RASAL2: variants seen among roughly 807,000 people sequenced by gnomAD.
RASAL2 encodes the protein ras GTPase-activating protein nGAP.
Under a neutral mutation model 128.9 loss-of-function variants are expected in RASAL2, and 58 were observed. That is an observed-to-expected ratio of 0.45 (90% confidence interval 0.36 to 0.56). The LOEUF (loss-of-function observed/expected upper bound fraction) is 0.56, where lower values mean the gene tolerates loss of function less well. RASAL2 is among the 20% of genes least tolerant of loss of function. RASAL2 has a pLI of 0.00. For synonymous variants in RASAL2, 561 were observed against 580.8 expected (o/e 0.97, Z 0.49); for missense variants, 1,360 against 1,601.6 (o/e 0.85, Z 2.57).
intron 5 of RASAL2, among the ~76,000 whole-genome samples, chr1:178,424,650 T>C (rs146839705): frequency 2.0e-5 from 3 of 152,130 alleles, no homozygotes; most frequent in Non-Finnish European, 4.4e-5. Context: ...TTTGTAGAGA[T>C]GGGATTTTGT....
intron 1 of RASAL2, among the ~76,000 whole-genome samples, chr1:178,112,757 T>TG (rs1167436658): frequency 1.4e-5 from 1 of 69,348 alleles, no homozygotes; most frequent in Non-Finnish European, 2.6e-5. Context: ...TGTTGTGGGG[T>TG]GGGGGGAGGG....
chr1:178,354,834 G>A (rs533333579), intron 3 of RASAL2, among the ~76,000 whole-genome samples: 30 of 152,250 alleles, frequency 2.0e-4, no homozygotes, highest in South Asian at 2.1e-4. Context: ...TATATACTAC[G>A]TTTCTGGAGT....
chr1:178,345,449 A>G (rs903031962), intron 3 of RASAL2, among the ~76,000 whole-genome samples: 10 of 152,174 alleles, frequency 6.6e-5, no homozygotes, highest in African/African-American at 2.2e-4. Flanking sequence ...TCCTGAATCC[A>G]ATTCCAAAGA....
chr1:178,457,383 T>C (rs553372839), intron 13 of RASAL2, among the ~76,000 whole-genome samples: 12 of 152,218 alleles, frequency 7.9e-5, no homozygotes, highest in Non-Finnish European at 1.3e-4. Flanking sequence ...TAAGTATGAA[T>C]TGGAATATTT....
intron 2 of RASAL2, 64 bp downstream of exon 2, chr1:178,283,755 GT>G: frequency 1.3e-6 from 2 of 1,581,926 alleles, no homozygotes; most frequent in Non-Finnish European, 1.7e-6. Context: ...AAATTACCTA[GT>G]TTTTGTTTGC....
chr1:178,379,874 A>T, intron 3 of RASAL2, among the ~76,000 whole-genome samples: 1 of 152,232 alleles, frequency 6.6e-6, no homozygotes, highest in East Asian at 1.9e-4. Flanking sequence ...AAATGTAATT[A>T]TGTTTAAGTG....
chr1:178,431,567 T>C (rs1368124527), intron 5 of RASAL2, among the ~76,000 whole-genome samples: 1 of 152,072 alleles, frequency 6.6e-6, no homozygotes, highest in East Asian at 1.9e-4. Flanking sequence ...ATCTAGCAAT[T>C]TCACATCTGA....
chr1:178,341,135 T>C (rs1032230655), intron 3 of RASAL2, among the ~76,000 whole-genome samples: 9 of 152,324 alleles, frequency 5.9e-5, no homozygotes, highest in Non-Finnish European at 5.9e-5. Flanking sequence ...AAATTCAACA[T>C]AATAAAACAT....
intron 1 of RASAL2, among the ~76,000 whole-genome samples, chr1:178,277,607 C>T (rs936893780): frequency 6.6e-6 from 1 of 152,220 alleles, no homozygotes; most frequent in African/African-American, 2.4e-5. Flanking sequence ...GCCAGGTTAG[C>T]TGTGGTGTGG....
chr1:178,120,618 A>G (rs1288524349), intron 1 of RASAL2, among the ~76,000 whole-genome samples: 2 of 152,218 alleles, frequency 1.3e-5, no homozygotes, highest in Admixed American at 6.5e-5. Flanking sequence ...CTTGCCACTT[A>G]CTGATAGGGT....
At chr1:178,452,678 T>C (rs1262029093) in intron 11 of RASAL2, 26 bp downstream of exon 11, 1 of 1,563,962 alleles carries the variant, frequency 6.4e-7, no homozygotes, top group Admixed American at 1.7e-5. Flanking sequence ...GTAACCACTT[T>C]AAAAACACAG....
intron 1 of RASAL2, among the ~76,000 whole-genome samples, chr1:178,171,708 G>T (rs2101912102): frequency 6.6e-6 from 1 of 152,018 alleles, no homozygotes; most frequent in Non-Finnish European, 1.5e-5. Context: ...TAAGGGATGA[G>T]GTTGGAGGAG....
intron 4 of RASAL2, among the ~76,000 whole-genome samples, chr1:178,400,962 G>A (rs1572006219): frequency 6.6e-6 from 1 of 152,142 alleles, no homozygotes; most frequent in Non-Finnish European, 1.5e-5. Flanking sequence ...TGTTGGCCAG[G>A]CTGGTCTTGA....
At chr1:178,343,515 A>G (rs572214071) in intron 3 of RASAL2, among the ~76,000 whole-genome samples, 1 of 152,288 alleles carries the variant, frequency 6.6e-6, no homozygotes, top group African/African-American at 2.4e-5. Context: ...TGATATATCT[A>G]TGTATATTAT....
In RASAL2 at chr1:178,416,263, C is replaced by T. The variant is rs541224177; in HGVS notation, c.565-4248C>T. Among the ~76,000 whole-genome samples, 23 of 152,066 alleles carry T rather than the reference C, an allele frequency of 1.5e-4. No individual in the cohort carries two copies. In the South Asian group the frequency reaches 4.4e-3, roughly 29 times the overall value. The stretch of plus-strand genomic sequence containing the variant: ...AATTTAGTGGTTTCCCTAGAATTTG[C>T]AGTTTTTTAAATGTATAACTAATGT... On this transcript the variant is annotated intron_variant, in intron 4 of 17. Transcript: ENST00000367649.
chr1:178,353,864 G>A (rs749004614), intron 3 of RASAL2, among the ~76,000 whole-genome samples: 4 of 152,140 alleles, frequency 2.6e-5, no homozygotes, highest in Non-Finnish European at 5.9e-5. Context: ...AGCTGCTCAG[G>A]AGGCTGAGGT....
rs1232025059 is a variant in RASAL2, at chr1:178,332,761, G to A, written c.457+32643G>A. Among the ~76,000 whole-genome samples the A allele has an allele frequency of 3.3e-5, 5 of 150,614 alleles. No homozygotes were observed. The South Asian group carries it at 6.4e-4, about 19-fold the overall frequency. On this transcript the variant is annotated intron_variant, in intron 3 of 17. Coordinates refer to ENST00000367649, the MANE Select transcript of RASAL2 (RefSeq NM_170692.4). Reference sequence around the variant, plus strand: ...CAAATAGCTGGGACTACAGGTGCCCGCCACCACGCCCAGCTAATTCTTTTT... The same window carrying A: ...CAAATAGCTGGGACTACAGGTGCCCACCACCACGCCCAGCTAATTCTTTTT...
intron 1 of RASAL2, among the ~76,000 whole-genome samples, chr1:178,265,645 C>T (rs1450712965): frequency 6.6e-6 from 1 of 152,142 alleles, no homozygotes; most frequent in Non-Finnish European, 1.5e-5. Flanking sequence ...ATAATGTACA[C>T]AAAGTACATA....
In RASAL2 at chr1:178,400,473, C is replaced by T. The variant is rs1044050876; in HGVS notation, c.564+10267C>T. Among the ~76,000 whole-genome samples the T allele has an allele frequency of 3.3e-5, 5 of 152,204 alleles. No homozygotes were observed. In the South Asian group the frequency reaches 1.0e-3, roughly 32 times the overall value. The stretch of plus-strand genomic sequence containing the variant: ...GGAGTGTACATTATCCATTATAGCA[C>T]CGACACTATTATATTGTAGGGTTGC... On this transcript the variant is annotated intron_variant, in intron 4 of 17. Transcript: ENST00000367649.
Sources: gnomAD v4.1 joint callset for allele counts (sites outside exome capture counted in the v4.1 genomes callset) on GRCh38, gnomAD v4.1.1 for gene constraint, MANE v1.5 for transcripts, NCBI Gene and HGNC (gene_info 2026-07-23, HGNC 2026-07-21) for gene names.